BRD4: variants seen among roughly 807,000 people sequenced by gnomAD.
BRD4 encodes the protein bromodomain containing 4, also known as bromodomain-containing protein 4.
Under a neutral mutation model 142.1 loss-of-function variants are expected in BRD4, and 16 were observed. The ratio of observed to expected loss-of-function variants is 0.11; its 90% CI spans 0.08 to 0.17. The LOEUF (loss-of-function observed/expected upper bound fraction) is 0.17, where lower values mean the gene tolerates loss of function less well. BRD4 is among the 10% of genes least tolerant of loss of function. The pLI is 1.00. For synonymous variants in BRD4, 833 were observed against 707.5 expected (o/e 1.18, Z -2.82); for missense variants, 1,424 against 1,810.9 (o/e 0.79, Z 3.88).
chr19:15,264,031 G>A, intron 6 of BRD4: 1 of 250,350 alleles, frequency 4.0e-6, no homozygotes, highest in East Asian at 7.6e-5. Context: ...ACACAGAGGA[G>A]ACAGCAAGGC....
intron 1 of BRD4, 80 bp from the exon 2 acceptor site, chr19:15,273,213 T>C: frequency 7.1e-7 from 1 of 1,414,190 alleles, no homozygotes. Flanking sequence ...CCTCTGGCTG[T>C]GGTCTCCAAG....
Position 15,255,517 on chromosome 19 carries a change from A to C in BRD4, c.1827T>G (p.Pro609=). 3 of 1,614,094 alleles carry C rather than the reference A, an allele frequency of 1.9e-6. No homozygotes were observed. The highest frequency in any genetic ancestry group is 1.7e-5 in the Admixed American group (1 of 60,030). Residue 609 remains proline (P), a synonymous_variant, in exon 10 of 20, where the codon CCT becomes CCG. Coordinates refer to ENST00000679869, the MANE Select transcript of BRD4 (RefSeq NM_001379291.1). The part of the protein sequence containing the change: ...YESEEEDKCK[P]MSYEEKRQLS... ...GCTGCCGCTTCTCCTCATAGGACAT[A>C]GGCTTGCACTTGTCCTCTTCCTCCG...
Position 15,238,230 on chromosome 19 carries a change from C to T in BRD4, c.*147G>A, listed in dbSNP as rs2047209462. The stretch of plus-strand genomic sequence containing the variant: ...ACAGGCTCTGCAATCCTCAGCTGCC[C>T]GTCAGGCCTGCCCCGGGCATAGCAT... On this transcript the variant is annotated 3_prime_UTR_variant, in exon 20 of 20. Transcript: ENST00000679869. This position sits in a 1 kb window ranked among gnomAD's most constrained non-coding sequence, Gnocchi z 7.2. 17 of 1,343,712 alleles carry T rather than the reference C, an allele frequency of 1.3e-5. No homozygotes were observed. Among genetic ancestry groups the T allele is most frequent in the Non-Finnish European group, 1.4e-5 (14 of 992,332 alleles). 83.2% of individuals were successfully genotyped at this position (1,343,712 alleles called of 1,614,324 possible).
At chr19:15,316,148 A>C in intron 1 of BRD4, among the ~76,000 whole-genome samples, 1 of 106,140 alleles carries the variant, frequency 9.4e-6, no homozygotes, top group Admixed American at 1.2e-4. Context: ...AGAGCGAGAC[A>C]CCGTCTCAAA....
intron 11 of BRD4, chr19:15,253,784 CT>C (rs1410329557): frequency 6.3e-7 from 1 of 1,596,160 alleles, no homozygotes; most frequent in African/African-American, 1.3e-5. Flanking sequence ...GTGCAGAAAG[CT>C]GGGTGTGGTC....
chr19:15,272,490 G>A (rs1341489262), intron 2 of BRD4, among the ~76,000 whole-genome samples: 4 of 152,150 alleles, frequency 2.6e-5, no homozygotes, highest in Non-Finnish European at 5.9e-5. Context: ...AAGGGGCTAG[G>A]ATGGCCAAGT....
intron 11 of BRD4, among the ~76,000 whole-genome samples, chr19:15,245,671 G>A (rs1021488676): frequency 8.5e-5 from 13 of 152,194 alleles, no homozygotes; most frequent in Admixed American, 8.5e-4. Context: ...CACCAAACAT[G>A]GATGGTGTAC....
At chr19:15,328,046 A>G (rs2048124941) in intron 1 of BRD4, among the ~76,000 whole-genome samples, 1 of 152,050 alleles carries the variant, frequency 6.6e-6, no homozygotes, top group South Asian at 2.1e-4. Context: ...ATTTTCTTAA[A>G]AAGATGTTTG....
At chr19:15,284,550 A>C in intron 1 of BRD4, among the ~76,000 whole-genome samples, 1 of 152,224 alleles carries the variant, frequency 6.6e-6, no homozygotes, top group Non-Finnish European at 1.5e-5. Context: ...AAACAGGCCA[A>C]GGGGTCCCCA....
intron 11 of BRD4, chr19:15,253,660 C>T (rs1438649442): frequency 1.3e-6 from 2 of 1,597,796 alleles, no homozygotes; most frequent in African/African-American, 1.3e-5. Context: ...ATGCGGCTGG[C>T]CAGCTGCAGT....
intron 1 of BRD4, among the ~76,000 whole-genome samples, chr19:15,313,477 A>G (rs1168620245): frequency 6.6e-6 from 1 of 151,322 alleles, no homozygotes; most frequent in African/African-American, 2.4e-5. Flanking sequence ...GTTCAAGACT[A>G]AGCCTGGCTG....
chr19:15,287,069 C>A (rs2047745363), intron 1 of BRD4, among the ~76,000 whole-genome samples: 1 of 152,148 alleles, frequency 6.6e-6, no homozygotes, highest in Non-Finnish European at 1.5e-5. Context: ...TCAACCTGCT[C>A]AACTAAAATA....
intron 7 of BRD4, among the ~76,000 whole-genome samples, chr19:15,263,173 C>A (rs867741652): frequency 6.6e-6 from 1 of 152,248 alleles, no homozygotes; most frequent in Non-Finnish European, 1.5e-5. Flanking sequence ...CACACCCGGT[C>A]TTCCAGCCAA....
chr19:15,274,083 G>A (rs2047620239), intron 1 of BRD4, among the ~76,000 whole-genome samples: 1 of 152,200 alleles, frequency 6.6e-6, no homozygotes, highest in Non-Finnish European at 1.5e-5. Context: ...ACTAGGCTGT[G>A]GAGATAGGAG....
At chr19:15,247,695 G>A (rs1000625899) in intron 11 of BRD4, 2 of 233,036 alleles carry the variant, frequency 8.6e-6, no homozygotes, top group Non-Finnish European at 1.7e-5. Context: ...GTGGGAATCT[G>A]GGCATGAAGG....
intron 1 of BRD4, among the ~76,000 whole-genome samples, chr19:15,314,846 G>C (rs2048002775): frequency 6.6e-6 from 1 of 152,132 alleles, no homozygotes; most frequent in African/African-American, 2.4e-5. Flanking sequence ...TGGAAATTGG[G>C]TAATACACTG....
At chr19:15,330,965 TAA>T in intron 1 of BRD4, among the ~76,000 whole-genome samples, 1 of 152,024 alleles carries the variant, frequency 6.6e-6, no homozygotes, top group African/African-American at 2.4e-5. Context: ...GCTTACGAGG[TAA>T]ACTGCGACTT....
intron 1 of BRD4, among the ~76,000 whole-genome samples, chr19:15,275,024 A>G (rs1478821017): frequency 6.6e-6 from 1 of 152,040 alleles, no homozygotes; most frequent in Non-Finnish European, 1.5e-5. Context: ...ATGGCTGGCT[A>G]ATATTTGTAT....
At chr19:15,305,110 C>T (rs1040967758) in intron 1 of BRD4, among the ~76,000 whole-genome samples, 3 of 151,080 alleles carry the variant, frequency 2.0e-5, no homozygotes, top group African/African-American at 7.3e-5. Flanking sequence ...CCTCCACCTC[C>T]TGGGTTCAAG....
Sources: gnomAD v4.1 joint callset for allele counts (sites outside exome capture counted in the v4.1 genomes callset) on GRCh38, gnomAD v4.1.1 for gene constraint, Gnocchi (gnomAD v3.1) non-coding constraint, MANE v1.5 for transcripts, NCBI Gene and HGNC (gene_info 2026-07-23, HGNC 2026-07-21) for gene names.